TECRL: variants seen among roughly 807,000 people sequenced by gnomAD.
TECRL encodes trans-2,3-enoyl-CoA reductase-like.
TECRL carries 63 observed loss-of-function variants against 52.8 expected under a neutral mutation model. That is an observed-to-expected ratio of 1.19 (90% CI 0.97 to 1.47). TECRL has a LOEUF of 1.47. Among genes scored for constraint, TECRL ranks in the 40% most tolerant of loss-of-function variants. The pLI is 0.00. For missense variants in TECRL, 482 were observed against 429.6 expected (o/e 1.12, Z -1.08); for synonymous variants, 164 against 141.9 (o/e 1.16, Z -1.10).
chr4:64,345,708 A>G (rs1462074558), intron 2 of TECRL, among the ~76,000 whole-genome samples: 2 of 151,932 alleles, frequency 1.3e-5, no homozygotes, highest in Non-Finnish European at 2.9e-5. Context: ...AATAATAAAA[A>G]AAAAGAAGTT....
At chr4:64,304,752 T>C (rs1353788628) in intron 7 of TECRL, among the ~76,000 whole-genome samples, 1 of 152,072 alleles carries the variant, frequency 6.6e-6, no homozygotes, top group Non-Finnish European at 1.5e-5. Flanking sequence ...AAATCATAAA[T>C]AGAAACTGAT....
intron 2 of TECRL, among the ~76,000 whole-genome samples, chr4:64,358,103 G>GA (rs34628124): frequency 6.0e-5 from 9 of 149,726 alleles, no homozygotes; most frequent in African/African-American, 9.8e-5. Context: ...TTGAAAAAAC[G>GA]AAAAAAAAAA....
chr4:64,303,258 G>A (rs1045024296), intron 7 of TECRL, among the ~76,000 whole-genome samples: 1 of 151,272 alleles, frequency 6.6e-6, no homozygotes, highest in African/African-American at 2.4e-5. Flanking sequence ...ACAATAAATG[G>A]CATAAGCATG....
chr4:64,319,817 G>C (rs760143311), intron 4 of TECRL, among the ~76,000 whole-genome samples: 6 of 151,834 alleles, frequency 4.0e-5, no homozygotes, highest in African/African-American at 7.2e-5. Flanking sequence ...GGATTTCAAG[G>C]ACACTATGCT....
chr4:64,357,173 T>A (rs1267446281), intron 2 of TECRL, among the ~76,000 whole-genome samples: 1 of 152,148 alleles, frequency 6.6e-6, no homozygotes, highest in Admixed American at 6.5e-5. Flanking sequence ...TCAATGTAAA[T>A]GTATTATAAG....
rs149218759 is a variant in TECRL, at chr4:64,328,956, G to T, written c.287-400C>A. Among the ~76,000 whole-genome samples, 1,015 of 151,928 alleles carry T rather than the reference G, an allele frequency of 6.7e-3. 12 individuals are homozygous for T. Among genetic ancestry groups the T allele is most frequent in the African/African-American group, 0.022 (926 of 41,488 alleles). On this transcript the variant is annotated intron_variant, in intron 2 of 11. Transcript: ENST00000381210. ...CTCATTTCAAATTCATCTAATATTT[G>T]CACCTGAAATTGGGTTATTTTCTCT...
At chr4:64,282,379 AG>A (rs1722872879) in intron 9 of TECRL, among the ~76,000 whole-genome samples, 1 of 152,074 alleles carries the variant, frequency 6.6e-6, no homozygotes, top group Non-Finnish European at 1.5e-5. Flanking sequence ...ATAACTCTGA[AG>A]TCATAATAAA....
chr4:64,396,106 C>G (rs1161138794), intron 1 of TECRL, among the ~76,000 whole-genome samples: 1 of 151,724 alleles, frequency 6.6e-6, no homozygotes, highest in East Asian at 1.9e-4. Context: ...CATGTCTTTG[C>G]TATTGTGAAT....
chr4:64,324,851 CAT>C (rs776091355), intron 3 of TECRL, among the ~76,000 whole-genome samples: 1 of 152,172 alleles, frequency 6.6e-6, no homozygotes, highest in African/African-American at 2.4e-5. Flanking sequence ...CCTAAGAACA[CAT>C]GTGTGGTAGG....
chr4:64,291,873 A>G (rs977440137), intron 8 of TECRL, among the ~76,000 whole-genome samples: 2 of 152,008 alleles, frequency 1.3e-5, no homozygotes, highest in South Asian at 2.1e-4. Context: ...TTTGCTATCT[A>G]CTGATGAAAT....
chr4:64,393,953 G>A (rs958487271), intron 1 of TECRL, among the ~76,000 whole-genome samples: 44 of 152,030 alleles, frequency 2.9e-4, no homozygotes, highest in African/African-American at 9.6e-4. Flanking sequence ...CTAAATATAT[G>A]TATATATATA....
intron 4 of TECRL, among the ~76,000 whole-genome samples, chr4:64,321,786 C>A (rs1717919839): frequency 6.6e-6 from 1 of 152,068 alleles, no homozygotes; most frequent in Non-Finnish European, 1.5e-5. Flanking sequence ...CTATTTTCCT[C>A]CAAAAAGAGC....
chr4:64,281,413 A>G (rs1352433544), intron 10 of TECRL, 61 bp downstream of exon 10: 5 of 966,016 alleles, frequency 5.2e-6, no homozygotes, highest in Non-Finnish European at 8.0e-6. Flanking sequence ...TAAATACATA[A>G]GCACATGCAT....
chr4:64,391,027 G>A (rs770658203), intron 1 of TECRL, among the ~76,000 whole-genome samples: 14 of 151,584 alleles, frequency 9.2e-5, no homozygotes, highest in African/African-American at 1.9e-4. Context: ...ATGCTACCAC[G>A]TATTGCCAGC....
intron 8 of TECRL, among the ~76,000 whole-genome samples, chr4:64,294,566 G>A (rs1199618416): frequency 6.6e-6 from 1 of 152,000 alleles, no homozygotes; most frequent in African/African-American, 2.4e-5. Flanking sequence ...GCTTACAAAG[G>A]TGTTTGTTTC....
intron 2 of TECRL, among the ~76,000 whole-genome samples, chr4:64,366,871 G>A (rs905914350): frequency 6.8e-6 from 1 of 147,844 alleles, no homozygotes; most frequent in African/African-American, 2.5e-5. Flanking sequence ...GTTTGGCCCA[G>A]CAATACCGTT....
intron 1 of TECRL, among the ~76,000 whole-genome samples, chr4:64,378,845 A>G (rs995612714): frequency 6.6e-6 from 1 of 151,988 alleles, no homozygotes; most frequent in African/African-American, 2.4e-5. Flanking sequence ...TTTTAAATTT[A>G]ACTGAATTTT....
Position 64,314,654 on chromosome 4 carries a change from A to G in TECRL, c.545T>C (p.Val182Ala). 1 of 1,568,248 alleles carries G rather than the reference A, an allele frequency of 6.4e-7. No homozygotes were observed. The highest frequency in any genetic ancestry group is 1.1e-5 in the South Asian group (1 of 90,240). The change falls in exon 5 of 12, where the codon GTG becomes GCG. Residue 182 changes from valine (V) to alanine (A), a missense_variant. Coordinates refer to ENST00000381210, the MANE Select transcript of TECRL (RefSeq NM_001010874.5). ...KESARRLRHP[V>A]VHLACFCHCI... ...GTGTGTGTGTATCACTTACTGTACC[A>G]CTGGGTGGCGTAATCTTCTAGCACT...
At chr4:64,316,054 A>G (rs573621628) in intron 4 of TECRL, among the ~76,000 whole-genome samples, 1 of 152,194 alleles carries the variant, frequency 6.6e-6, no homozygotes, top group South Asian at 2.1e-4. Context: ...AGAATGCCAA[A>G]ACTCTGGAAT....
Sources: gnomAD v4.1 joint callset for allele counts (sites outside exome capture counted in the v4.1 genomes callset) on GRCh38, gnomAD v4.1.1 for gene constraint, MANE v1.5 for transcripts, NCBI Gene and HGNC (gene_info 2026-07-23, HGNC 2026-07-21) for gene names.